GALNT18: variants seen among roughly 807,000 people sequenced by gnomAD.
The protein encoded by GALNT18 is GalNAc-transferase 18.
Under a neutral mutation model 69.5 loss-of-function variants are expected in GALNT18, and 44 were observed. That is an observed-to-expected ratio of 0.63 (90% confidence interval 0.50 to 0.81). The LOEUF is 0.81. Ranked by LOEUF, GALNT18 falls within the 40% of genes least tolerant of loss-of-function variation. The pLI, the probability that GALNT18 is intolerant of heterozygous loss-of-function variation, is 0.00. For missense variants in GALNT18, 715 were observed against 810.0 expected, an observed-to-expected ratio of 0.88 and a Z score of 1.42; for synonymous variants, 364 against 318.2, an observed-to-expected ratio of 1.14 and a Z score of -1.53.
intron 2 of GALNT18, among the ~76,000 whole-genome samples, chr11:11,441,586 T>C (rs1855532624): frequency 6.6e-6 from 1 of 152,188 alleles, no homozygotes. Context: ...TATTCCCCTT[T>C]ATAAAATGGG....
intron 1 of GALNT18, among the ~76,000 whole-genome samples, chr11:11,570,414 C>T (rs1358110640): frequency 6.6e-6 from 1 of 152,242 alleles, no homozygotes; most frequent in Non-Finnish European, 1.5e-5. Context: ...ATGATCTAGC[C>T]TCTGCGCACG....
At chr11:11,449,064 C>T in intron 1 of GALNT18, 128 bp from the exon 2 acceptor site, 1 of 764,722 alleles carries the variant, frequency 1.3e-6, no homozygotes, top group Non-Finnish European at 2.0e-6. Flanking sequence ...GGGGTCAGTG[C>T]TGACTTGGGT....
chr11:11,455,111 C>T (rs920768928), intron 1 of GALNT18, among the ~76,000 whole-genome samples: 5 of 152,202 alleles, frequency 3.3e-5, no homozygotes, highest in African/African-American at 7.2e-5. Context: ...CCTTTGTTTG[C>T]TGGGCCTTGG....
At chr11:11,588,227 T>C (rs1859272277) in intron 1 of GALNT18, among the ~76,000 whole-genome samples, 1 of 152,122 alleles carries the variant, frequency 6.6e-6, no homozygotes, top group Non-Finnish European at 1.5e-5. Flanking sequence ...ACTTTTCACC[T>C]TGGGAATGGA....
chr11:11,503,920 A>T (rs188760488), intron 1 of GALNT18, among the ~76,000 whole-genome samples: 111 of 152,296 alleles, frequency 7.3e-4, no homozygotes, highest in African/African-American at 2.5e-3. Flanking sequence ...CCCTTCCACC[A>T]CTACTCAACC....
intron 1 of GALNT18, among the ~76,000 whole-genome samples, chr11:11,486,649 T>C (rs1228526495): frequency 3.9e-5 from 6 of 152,258 alleles, no homozygotes; most frequent in African/African-American, 1.4e-4. Context: ...CATGAAGATA[T>C]GTCTGACAGC....
intron 1 of GALNT18, among the ~76,000 whole-genome samples, chr11:11,599,151 TA>T (rs2133942557): frequency 6.6e-6 from 1 of 152,290 alleles, no homozygotes; most frequent in East Asian, 1.9e-4. Context: ...TCATCATTAG[TA>T]CATCTGCCTA....
rs2133953955 is a variant in GALNT18 at position 11,540,209 on chromosome 11, A to T, written c.235+81150T>A. On this transcript the variant is annotated intron_variant, in intron 1 of 10. Transcript: ENST00000227756. The surrounding 1 kb of genome is among the most constrained non-coding windows in gnomAD (Gnocchi z 4.6). ...AAGTCAACATTTTCAAAACAGAGAT[A>T]GTCAGTTCTGTCTCCTTAGCAAGCT... 6.6e-6 allele frequency among the ~76,000 whole-genome samples: 1 copy of T among 152,370 alleles called. No individual in the cohort carries two copies. The highest frequency in any genetic ancestry group is 2.1e-4 in the South Asian group (1 of 4,830).
intron 6 of GALNT18, among the ~76,000 whole-genome samples, chr11:11,362,092 G>C (rs1850656703): frequency 6.6e-6 from 1 of 152,144 alleles, no homozygotes; most frequent in Non-Finnish European, 1.5e-5. Context: ...ATATTATTTT[G>C]AATAGAAGGT....
At chr11:11,355,504 G>A (rs533878083) in intron 6 of GALNT18, among the ~76,000 whole-genome samples, 58 of 152,288 alleles carry the variant, frequency 3.8e-4, no homozygotes, top group South Asian at 1.7e-3. Flanking sequence ...ACTGTTATTA[G>A]TAGCACCCCC....
intron 10 of GALNT18, among the ~76,000 whole-genome samples, chr11:11,283,298 C>A (rs745528689): frequency 6.6e-6 from 1 of 152,154 alleles, no homozygotes; most frequent in Non-Finnish European, 1.5e-5. Context: ...AGACATGCAC[C>A]ATCATGCCTG....
intron 6 of GALNT18, among the ~76,000 whole-genome samples, chr11:11,370,958 T>C (rs4909994): frequency 0.45 from 68,889 of 152,042 alleles, 16,998 homozygotes; most frequent in African/African-American, 0.61. Context: ...ATGGTGAGGA[T>C]ACAAATGGGG....
rs888598626 is a variant in GALNT18, at chr11:11,596,659, C to G, written c.235+24700G>C. 4.6e-5 allele frequency among the ~76,000 whole-genome samples: 7 copies of G among 151,966 alleles called. No homozygotes were observed. Among genetic ancestry groups the G allele is most frequent in the Non-Finnish European group, 1.0e-4 (7 of 67,968 alleles). ...TTTTTATAGTTTGTTTTCAGATCGC[C>G]CACTGATAGTGATAGAAATACAATT... On this transcript the variant is annotated intron_variant, in intron 1 of 10. Coordinates refer to ENST00000227756, the MANE Select transcript of GALNT18 (RefSeq NM_198516.3). This position sits in a 1 kb window ranked among gnomAD's most constrained non-coding sequence, Gnocchi z 4.2.
At chr11:11,468,367 G>A (rs1222558103) in intron 1 of GALNT18, among the ~76,000 whole-genome samples, 1 of 152,190 alleles carries the variant, frequency 6.6e-6, no homozygotes, top group Non-Finnish European at 1.5e-5. Context: ...AAGGACACAG[G>A]CTGTGGCGGT....
intron 1 of GALNT18, among the ~76,000 whole-genome samples, chr11:11,457,975 A>G (rs1213562700): frequency 6.6e-6 from 1 of 152,214 alleles, no homozygotes; most frequent in Non-Finnish European, 1.5e-5. Context: ...TAGGTCAGGC[A>G]GGTTGGGGTG....
rs75805979 is a variant in GALNT18 at position 11,533,125 on chromosome 11, C to T, written c.236-84189G>A. 4.3e-3 allele frequency among the ~76,000 whole-genome samples: 659 copies of T among 152,270 alleles called. 5 individuals are homozygous for T. The highest frequency in any genetic ancestry group is 7.0e-3 in the Non-Finnish European group (476 of 68,036). On this transcript the variant is annotated intron_variant, in intron 1 of 10. Coordinates refer to ENST00000227756, the MANE Select transcript of GALNT18 (RefSeq NM_198516.3). ...CCAGCCCTTAGGTAATCTCCAGAAC[C>T]CAGAAAATGTTACAGCTGTCTGGCC... is the stretch of plus-strand genomic sequence containing the variant.
chr11:11,279,522 A>G (rs1849021830), intron 10 of GALNT18, among the ~76,000 whole-genome samples: 1 of 152,216 alleles, frequency 6.6e-6, no homozygotes, highest in African/African-American at 2.4e-5. Flanking sequence ...ACGTCCATCA[A>G]TAGTACAGCA....
At chr11:11,407,023 G>A (rs990562378) in intron 3 of GALNT18, among the ~76,000 whole-genome samples, 2 of 152,212 alleles carry the variant, frequency 1.3e-5, no homozygotes, top group Admixed American at 6.5e-5. Flanking sequence ...GCTTAGAATA[G>A]CCTAAGTGGA....
Position 11,377,888 on chromosome 11 carries a change from C to G in GALNT18, c.780-509G>C, listed in dbSNP as rs1442039909. 6.6e-6 allele frequency among the ~76,000 whole-genome samples: 1 copy of G among 152,136 alleles called. No individual in the cohort carries two copies. Among genetic ancestry groups the G allele is most frequent in the African/African-American group, 2.4e-5 (1 of 41,418 alleles). The stretch of plus-strand genomic sequence containing the variant: ...CCTGGAATGCCAGCTGTGCCACATC[C>G]ACCCCCCAAAGCGTTTCCCAACCAC... On this transcript the variant is annotated intron_variant, in intron 4 of 10. Coordinates refer to ENST00000227756, the MANE Select transcript of GALNT18 (RefSeq NM_198516.3). This position sits in a 1 kb window ranked among gnomAD's most constrained non-coding sequence, Gnocchi z 4.6.
Sources: allele counts gnomAD v4.1 joint callset (sites outside exome capture counted in the v4.1 genomes callset), GRCh38; gene constraint gnomAD v4.1.1; non-coding constraint Gnocchi (gnomAD v3.1); transcripts MANE v1.5; gene names NCBI Gene and HGNC (gene_info 2026-07-23, HGNC 2026-07-21).